IL17RA: variants seen among roughly 807,000 people sequenced by gnomAD.
The protein encoded by IL17RA is interleukin 17 receptor A, also known as interleukin-17 receptor A.
A neutral mutation model predicts 50.4 loss-of-function variants in IL17RA; 34 were observed. The ratio of observed to expected loss-of-function variants is 0.67; its 90% confidence interval spans 0.51 to 0.90. The LOEUF (loss-of-function observed/expected upper bound fraction) is 0.90, where lower values mean the gene tolerates loss of function less well. Among genes scored for constraint, IL17RA ranks in the 40% least tolerant of loss-of-function variants. The pLI is 0.00. For missense variants in IL17RA, 1,276 were observed against 1,169.8 expected (o/e 1.09, Z -1.32); for synonymous variants, 585 against 510.4 (o/e 1.15, Z -1.97).
intron 9 of IL17RA, among the ~76,000 whole-genome samples, chr22:17,105,334 A>G (rs948194191): frequency 9.9e-5 from 15 of 152,188 alleles, no homozygotes; most frequent in Non-Finnish European, 4.4e-5. Context: ...CCACGTGCTC[A>G]CCAGAAGGCA....
rs746242399 is a variant in IL17RA at position 17,108,923 on chromosome 22, C to T, written c.1704C>T (p.Arg568=). The T allele has an allele frequency of 1.2e-6, 2 of 1,611,742 alleles. No homozygotes were observed. The highest frequency in any genetic ancestry group is 2.2e-5 in the East Asian group (1 of 44,844). ...GGAGCCCGGGCGGCAGGCAGCTCCGCGCCGCCCTGGACAGGTTCCGGGACT... is the reference window on the plus strand; with the variant it reads ...GGAGCCCGGGCGGCAGGCAGCTCCGTGCCGCCCTGGACAGGTTCCGGGACT... ...YLRSPGGRQL[R]AALDRFRDWQ... The change falls in exon 13 of 13, where the codon CGC becomes CGT. Residue 568 remains arginine, a synonymous_variant. Coordinates refer to ENST00000319363, the MANE Select transcript of IL17RA (RefSeq NM_014339.7).
rs770168313 is a variant in IL17RA at position 17,108,968 on chromosome 22, C to G, written c.1749C>G (p.Asp583Glu). Residue 583 changes from aspartate (D) to glutamate (E), a missense_variant, in exon 13 of 13, where the codon GAC becomes GAG. Physicochemically the swap from Asp to Glu is conservative, Grantham distance 45. Transcript: ENST00000319363. The part of the protein sequence containing the change: ...RFRDWQVRCP[D>E]WFECENLYSA... ...GGGACTGGCAGGTCCGCTGTCCCGA[C>G]TGGTTCGAATGTGAGAACCTCTACT... 1.7e-5 allele frequency: 27 copies of G among 1,606,098 alleles called. No individual in the cohort carries two copies. Among genetic ancestry groups the G allele is most frequent in the Admixed American group, 5.0e-5 (3 of 59,694 alleles).
At chr22:17,102,333 T>C in intron 7 of IL17RA, 31 bp downstream of exon 7, 1 of 1,612,634 alleles carries the variant, frequency 6.2e-7, no homozygotes, top group Non-Finnish European at 8.5e-7. Flanking sequence ...CCCTCTAGCA[T>C]AGCTCAGGAC....
At chr22:17,094,902 A>G (rs1969494088) in intron 1 of IL17RA, among the ~76,000 whole-genome samples, 2 of 151,500 alleles carry the variant, frequency 1.3e-5, no homozygotes, top group African/African-American at 2.4e-5. Flanking sequence ...ATAGCAATCT[A>G]TTCAACCATT....
chr22:17,093,321 T>G (rs1300810175), intron 1 of IL17RA, among the ~76,000 whole-genome samples: 2 of 152,170 alleles, frequency 1.3e-5, no homozygotes, highest in South Asian at 2.1e-4. Context: ...GTGTTTTTTT[T>G]GGGCCTGGCT....
In IL17RA at chr22:17,108,291, G is replaced by A. The variant is rs757225008; in HGVS notation, c.1088-16G>A. ...CCCTGGGGTGAGGGTCAGCATGTGT[G>A]GTCTTGTTTCCTTAGATGGCCTGCC... On this transcript the variant is annotated splice_polypyrimidine_tract_variant and intron_variant, in intron 12 of 12. Transcript: ENST00000319363. The A allele has an allele frequency of 1.2e-6, 2 of 1,613,560 alleles. No homozygotes were observed. Among genetic ancestry groups the A allele is most frequent in the Non-Finnish European group, 1.7e-6 (2 of 1,179,752 alleles).
intron 4 of IL17RA, among the ~76,000 whole-genome samples, chr22:17,099,482 C>T (rs1220660104): frequency 2.6e-5 from 4 of 152,134 alleles, no homozygotes; most frequent in Admixed American, 2.0e-4. Context: ...GGCCCCACCC[C>T]AGACTTCCCA....
At position 17,097,865 on chromosome 22, in the gene IL17RA, AT is replaced by A. The variant is rs1321690789; in HGVS notation, c.233del (p.Ile78ThrfsTer42). 8 of 1,614,172 alleles carry A rather than the reference AT, an allele frequency of 5.0e-6. No homozygotes were observed. Among genetic ancestry groups the A allele is most frequent in the Non-Finnish European group, 6.8e-6 (8 of 1,179,994 alleles). On this transcript the variant is annotated frameshift_variant, in exon 3 of 13. Coordinates refer to ENST00000319363, the MANE Select transcript of IL17RA (RefSeq NM_014339.7). LOFTEE classifies it high-confidence loss of function. Reference sequence around the variant, plus strand: ...CCCCTCCTCCCCAAAGGACCTGCAGATCCAGCTGCACTTTGCCCACACCCAA... The same window carrying A: ...CCCCTCCTCCCCAAAGGACCTGCAGACCAGCTGCACTTTGCCCACACCCAA... ...LTPSSPKDLQIQLHFAHTQQG... is the reference protein window; with the variant it reads ...LTPSSPKDLQXQLHFAHTQQG...
chr22:17,096,422 C>T (rs1353853461), intron 1 of IL17RA, among the ~76,000 whole-genome samples: 1 of 152,106 alleles, frequency 6.6e-6, no homozygotes, highest in Non-Finnish European at 1.5e-5. Flanking sequence ...GTAAATATTG[C>T]CCTTCACCCC....
At chr22:17,105,231 T>G (rs780327548) in intron 9 of IL17RA, among the ~76,000 whole-genome samples, 25 of 152,150 alleles carry the variant, frequency 1.6e-4, no homozygotes, top group Non-Finnish European at 2.5e-4. Context: ...ATAAGGAAAC[T>G]GAGGCACAGA....
intron 11 of IL17RA, 25 bp from the exon 12 acceptor site, chr22:17,107,702 C>A: frequency 6.2e-7 from 1 of 1,603,510 alleles, no homozygotes; most frequent in Non-Finnish European, 8.5e-7. Context: ...AAGAACCACT[C>A]CAGTGTATTT....
rs2061394941 is a variant in IL17RA, at chr22:17,102,318, T to C, written c.762+16T>C. The C allele has an allele frequency of 2.5e-6, 4 of 1,613,968 alleles. No individual in the cohort carries two copies. The highest frequency in any genetic ancestry group is 3.4e-6 in the Non-Finnish European group (4 of 1,180,002). ...CATACCTGCGGTAACTCTGCTCTTT[T>C]TGACCCCTCTAGCATAGCTCAGGAC... On this transcript the variant is annotated intron_variant, in intron 7 of 12. Coordinates refer to ENST00000319363, the MANE Select transcript of IL17RA (RefSeq NM_014339.7).
At chr22:17,102,099 GC>G (rs757772567) in intron 6 of IL17RA, 39 bp from the exon 7 acceptor site, 1 of 1,614,094 alleles carries the variant, frequency 6.2e-7, no homozygotes, top group South Asian at 1.1e-5. Flanking sequence ...ACATGTGCGT[GC>G]CCCTCCTCAC....
At position 17,113,795 on chromosome 22, in the gene IL17RA, G is replaced by A. The variant is rs184570264; in HGVS notation, c.*3975G>A. 6.6e-6 allele frequency: 1 copy of A among 152,456 alleles called. No homozygotes were observed. Among genetic ancestry groups the A allele is most frequent in the East Asian group, 1.9e-4 (1 of 5,180 alleles). 9.4% of individuals were successfully genotyped at this position (152,456 alleles called of 1,614,324 possible). A position where few individuals can be genotyped will look rare whatever the true frequency, so the allele number is the denominator to read the frequency against. On this transcript the variant is annotated 3_prime_UTR_variant, in exon 13 of 13. Coordinates refer to ENST00000319363, the MANE Select transcript of IL17RA (RefSeq NM_014339.7). ...GGATCCTTACAAAGAAGAGGCAGCA[G>A]GGTTGGGGGCTGGCCAGCTGCTCGT...
At chr22:17,097,358 T>C (rs950061351) in intron 2 of IL17RA, 9 of 542,742 alleles carry the variant, frequency 1.7e-5, no homozygotes, top group Non-Finnish European at 3.0e-5. Context: ...ATCTATAATA[T>C]AATTTGATTT....
intron 7 of IL17RA, 27 bp from the exon 8 acceptor site, chr22:17,103,467 C>T: frequency 6.2e-7 from 1 of 1,604,516 alleles, no homozygotes; most frequent in Non-Finnish European, 8.5e-7. Flanking sequence ...CCCAACTAGC[C>T]TTACCCATCC....
At chr22:17,097,965 G>A in intron 3 of IL17RA, 22 bp downstream of exon 3, 2 of 1,613,438 alleles carry the variant, frequency 1.2e-6, no homozygotes, top group Non-Finnish European at 1.7e-6. Flanking sequence ...TGCCAGCAGG[G>A]CCCTGGGGGA....
Position 17,102,029 on chromosome 22 carries a change from C to G in IL17RA, c.584C>G (p.Pro195Arg). The change falls in exon 6 of 13, where the codon CCA (proline) becomes CGA (arginine). Residue 195 changes from proline (P) to arginine (R), a missense_variant. Transcript: ENST00000319363. ...CEHARMKVTT[P>R]CMSSGSLWDP... ...CACGCCAGGATGAAGGTAACCACGC[C>G]ATGCATGAGCTCAGGTAACAGCTGG... is the stretch of plus-strand genomic sequence containing the variant. 6.2e-7 allele frequency: 1 copy of G among 1,614,198 alleles called. No individual in the cohort carries two copies. Among genetic ancestry groups the G allele is most frequent in the Non-Finnish European group, 8.5e-7 (1 of 1,180,028 alleles).
At chr22:17,088,483 C>T (rs939984573) in intron 1 of IL17RA, among the ~76,000 whole-genome samples, 14 of 151,554 alleles carry the variant, frequency 9.2e-5, no homozygotes, top group African/African-American at 2.9e-4. Flanking sequence ...TACACCCAGC[C>T]GATTTTTGTT....
Sources: gnomAD v4.1 joint callset for allele counts (sites outside exome capture counted in the v4.1 genomes callset) on GRCh38, gnomAD v4.1.1 for gene constraint, MANE v1.5 for transcripts, NCBI Gene and HGNC (gene_info 2026-07-23, HGNC 2026-07-21) for gene names.